Variants in HYDIN observed in about 807,000 individuals in gnomAD.
The protein encoded by HYDIN is axonemal central pair apparatus protein HYDIN.
HYDIN carries 132 observed loss-of-function variants against 403.9 expected under a neutral mutation model. That is an observed-to-expected ratio of 0.33 (90% CI 0.28 to 0.38). The LOEUF is 0.38. Ranked by LOEUF, HYDIN falls within the 10% of genes least tolerant of loss-of-function variation. HYDIN has a pLI of 1.00. For synonymous variants in HYDIN, 1,202 were observed against 1,891.7 expected, an observed-to-expected ratio of 0.64 and a Z score of 9.46; for missense variants, 2,827 against 5,009.5, an observed-to-expected ratio of 0.56 and a Z score of 13.15.
At chr16:71,007,031 C>T (rs1257536535) in intron 23 of HYDIN, among the ~76,000 whole-genome samples, 1 of 140,102 alleles carries the variant, frequency 7.1e-6, no homozygotes, top group African/African-American at 2.6e-5. Context: ...TTCCTCTATC[C>T]CTCTCTTCTC....
chr16:70,871,271 T>C (rs1171907287), intron 65 of HYDIN, among the ~76,000 whole-genome samples: 4 of 152,026 alleles, frequency 2.6e-5, no homozygotes, highest in Admixed American at 6.6e-5. Context: ...GATTTAAAGA[T>C]GACAAAGTCC....
intron 18 of HYDIN, among the ~76,000 whole-genome samples, chr16:71,041,041 G>A (rs2081271700): frequency 1.3e-5 from 2 of 150,556 alleles, no homozygotes; most frequent in South Asian, 4.2e-4. Context: ...TTTGAAGAAG[G>A]AAACTATTTT....
At chr16:70,957,271 T>A (rs1474724541) in intron 39 of HYDIN, among the ~76,000 whole-genome samples, 1 of 151,710 alleles carries the variant, frequency 6.6e-6, no homozygotes, top group Admixed American at 6.6e-5. Flanking sequence ...CTATTTCACC[T>A]TGCATAAGGT....
intron 1 of HYDIN, among the ~76,000 whole-genome samples, chr16:71,213,700 C>G (rs1475786454): frequency 6.6e-6 from 1 of 151,926 alleles, no homozygotes; most frequent in Non-Finnish European, 1.5e-5. Flanking sequence ...TCAACAGATG[C>G]AGAAAAAGAA....
rs1478709494 is a variant in HYDIN, at chr16:71,130,476, T to TG, written c.1044-654_1044-653insC. On this transcript the variant is annotated intron_variant, in intron 8 of 85. Coordinates refer to ENST00000393567, the MANE Select transcript of HYDIN (RefSeq NM_001270974.2). ...GGCAACTCCATATATACCGGTTTTT[T>TG]TTTTTTTTTTTTTTTTTTTTTTGAG... Among the ~76,000 whole-genome samples the TG allele has an allele frequency of 5.9e-3, 767 of 130,444 alleles. 7 individuals are homozygous for TG. Among genetic ancestry groups the TG allele is most frequent in the Non-Finnish European group, 9.0e-3 (550 of 60,978 alleles). 85.6% of individuals were successfully genotyped at this position (130,444 alleles called of 152,430 possible).
At chr16:71,182,236 A>AT (rs1437236446) in intron 3 of HYDIN, among the ~76,000 whole-genome samples, 1 of 152,132 alleles carries the variant, frequency 6.6e-6, no homozygotes, top group African/African-American at 2.4e-5. Flanking sequence ...TTTAGATTTT[A>AT]TTATATGAGT....
At chr16:70,818,622 C>T (rs753495372) in intron 83 of HYDIN, 50 bp from the exon 84 acceptor site, 409 of 671,854 alleles carry the variant, frequency 6.1e-4, no homozygotes, top group Admixed American at 1.0e-3. Flanking sequence ...AGGGGTGAGC[C>T]GAGGGTCCTC....
At chr16:71,214,375 T>C (rs1276227700) in intron 1 of HYDIN, among the ~76,000 whole-genome samples, 1 of 152,184 alleles carries the variant, frequency 6.6e-6, no homozygotes, top group Non-Finnish European at 1.5e-5. Flanking sequence ...AAAAACAGAA[T>C]TTTAGATGAG....
chr16:70,887,974 C>A (rs553872681), intron 58 of HYDIN, among the ~76,000 whole-genome samples: 1 of 152,174 alleles, frequency 6.6e-6, no homozygotes, highest in Non-Finnish European at 1.5e-5. Context: ...CGAGCCACGG[C>A]GCCTGGCCCA....
intron 1 of HYDIN, among the ~76,000 whole-genome samples, chr16:71,204,211 AT>A (rs1189970673): frequency 6.6e-6 from 1 of 152,266 alleles, no homozygotes; most frequent in Non-Finnish European, 1.5e-5. Flanking sequence ...ATTATTAAAA[AT>A]TGATCTTGTT....
At chr16:70,958,097 G>A (rs1237860900) in intron 39 of HYDIN, among the ~76,000 whole-genome samples, 2 of 151,312 alleles carry the variant, frequency 1.3e-5, no homozygotes, top group Non-Finnish European at 2.9e-5. Context: ...TTCCAAATGA[G>A]GTGTCTTCCC....
At chr16:70,853,538 G>A (rs2038805852) in intron 73 of HYDIN, among the ~76,000 whole-genome samples, 1 of 148,852 alleles carries the variant, frequency 6.7e-6, no homozygotes, top group Non-Finnish European at 1.5e-5. Flanking sequence ...TAAAAAGGAA[G>A]AAACTCTCAA....
At chr16:70,986,463 G>A (rs1033390496) in intron 27 of HYDIN, among the ~76,000 whole-genome samples, 3 of 152,228 alleles carry the variant, frequency 2.0e-5, no homozygotes, top group Non-Finnish European at 4.4e-5. Context: ...CAGCATCATG[G>A]AGATGGTCTC....
chr16:71,129,323 G>GTTGA (rs1415837623), intron 9 of HYDIN, among the ~76,000 whole-genome samples: 1 of 150,714 alleles, frequency 6.6e-6, no homozygotes, highest in Non-Finnish European at 1.5e-5. Context: ...ATCCTCATCT[G>GTTGA]TTGAATGGGA....
intron 1 of HYDIN, among the ~76,000 whole-genome samples, chr16:71,194,141 A>G (rs12926308): frequency 0.36 from 54,901 of 152,156 alleles, 10,376 homozygotes; most frequent in East Asian, 0.58. Context: ...GGCCGGGTGC[A>G]GTGGCTCGCG....
intron 45 of HYDIN, among the ~76,000 whole-genome samples, chr16:70,927,133 C>T (rs2077178150): frequency 1.3e-5 from 2 of 149,824 alleles, no homozygotes; most frequent in Admixed American, 1.3e-4. Context: ...ACTATAAACC[C>T]CAAGTAGGAT....
At chr16:71,020,865 CTACA>C (rs1244129509) in intron 21 of HYDIN, among the ~76,000 whole-genome samples, 1 of 146,666 alleles carries the variant, frequency 6.8e-6, no homozygotes, top group Admixed American at 6.8e-5. Flanking sequence ...AAAAGTGGAC[CTACA>C]TAACCCAGAC....
At chr16:70,930,142 T>C (rs1425051840) in intron 45 of HYDIN, among the ~76,000 whole-genome samples, 1 of 151,994 alleles carries the variant, frequency 6.6e-6, no homozygotes, top group Non-Finnish European at 1.5e-5. Context: ...ACACTGAAGA[T>C]AGTCATGGCA....
rs542315363 is a variant in HYDIN, at chr16:70,991,084, GA to G, written c.3864+233del. ...TTTGTTTTTGCTACAGAATTATTAA[GA>G]AAATATTTTTCCTTTAGTATCCTCT... is the stretch of plus-strand genomic sequence containing the variant. On this transcript the variant is annotated intron_variant, in intron 25 of 85. Coordinates refer to ENST00000393567, the MANE Select transcript of HYDIN (RefSeq NM_001270974.2). 1.1e-4 allele frequency among the ~76,000 whole-genome samples: 16 copies of G among 152,306 alleles called. No homozygotes were observed. The East Asian group carries it at 2.9e-3, about 28-fold the overall frequency.
Sources: allele counts gnomAD v4.1 joint callset (sites outside exome capture counted in the v4.1 genomes callset), GRCh38; gene constraint gnomAD v4.1.1; transcripts MANE v1.5; gene names NCBI Gene and HGNC (gene_info 2026-07-23, HGNC 2026-07-21).